RASEF: variants seen among roughly 807,000 people sequenced by gnomAD.
RASEF encodes ras and EF-hand domain-containing protein.
In RASEF, 68 loss-of-function variants were observed where a neutral mutation model predicts 90.1. That is an observed-to-expected ratio of 0.75 (90% CI 0.62 to 0.92). The LOEUF is 0.92. RASEF is among the 40% of genes least tolerant of loss of function. RASEF has a pLI of 0.00. For missense variants in RASEF, 949 were observed against 937.2 expected, an observed-to-expected ratio of 1.01 and a Z score of -0.16; for synonymous variants, 331 against 345.2, an observed-to-expected ratio of 0.96 and a Z score of 0.46.
At chr9:83,121,222 T>A in the RASEF span, among the ~76,000 whole-genome samples, 3 of 152,204 alleles carry the variant, frequency 2.0e-5, no homozygotes, top group South Asian at 6.2e-4. Context: ...TATATCAACA[T>A]ATGTAAATAT....
chr9:83,087,089 C>G, the RASEF span, among the ~76,000 whole-genome samples: 3 of 152,122 alleles, frequency 2.0e-5, no homozygotes, highest in Non-Finnish European at 4.4e-5. Context: ...TTCCTTGGGA[C>G]TTGAATACCC....
intron 2 of RASEF, among the ~76,000 whole-genome samples, chr9:83,022,763 T>TA (rs1829466728): frequency 6.6e-6 from 1 of 152,194 alleles, no homozygotes; most frequent in Admixed American, 6.5e-5. Flanking sequence ...ACCTAGGCTA[T>TA]ATGGAATAGC....
chr9:83,014,198 G>T lies in RASEF; in HGVS notation c.765+1607C>A, dbSNP rs146473949. On this transcript the variant is annotated intron_variant, in intron 4 of 16. Transcript: ENST00000376447. ...ATAACTTTTGAAAATTAGATATAAGGTTCAAATTGATATTCATTTTCTAAG... is the reference window on the plus strand; with the variant it reads ...ATAACTTTTGAAAATTAGATATAAGTTTCAAATTGATATTCATTTTCTAAG... Among the ~76,000 whole-genome samples the T allele has an allele frequency of 6.8e-3, 1,036 of 152,248 alleles. 16 individuals carry two copies. Among genetic ancestry groups the T allele is most frequent in the African/African-American group, 0.023 (970 of 41,540 alleles).
the RASEF span, among the ~76,000 whole-genome samples, chr9:83,087,869 G>A: frequency 6.6e-6 from 1 of 151,888 alleles, no homozygotes; most frequent in Non-Finnish European, 1.5e-5. Context: ...ACTGATTTGA[G>A]TTATTTAATA....
chr9:83,041,514 T>C (rs1174654597), intron 1 of RASEF, among the ~76,000 whole-genome samples: 1 of 152,192 alleles, frequency 6.6e-6, no homozygotes, highest in East Asian at 1.9e-4. Context: ...CTTAAACACA[T>C]TTCCCCTTTG....
the RASEF span, among the ~76,000 whole-genome samples, chr9:83,090,408 C>CT: frequency 0.032 from 4,663 of 144,952 alleles, 211 homozygotes; most frequent in African/African-American, 0.1. Context: ...ATGAGCCATA[C>CT]TTTTTTTTTT....
rs761541311 is a variant in RASEF, at chr9:83,009,775, G to A, written c.844-19C>T. On this transcript the variant is annotated intron_variant, in intron 5 of 16. Transcript: ENST00000376447. ...GGTTTTCCTGGATAAAATGAAAAGT[G>A]GGGGTCATTAGATTCAGATTTTCCT... 2.0e-6 allele frequency: 3 copies of A among 1,489,440 alleles called. No homozygotes were observed. Among genetic ancestry groups the A allele is most frequent in the Non-Finnish European group, 2.8e-6 (3 of 1,067,134 alleles). 92.3% of individuals were successfully genotyped at this position (1,489,440 alleles called of 1,614,324 possible).
chr9:83,066,485 G>A (rs1038721665), upstream of RASEF, among the ~76,000 whole-genome samples: 2 of 152,192 alleles, frequency 1.3e-5, no homozygotes, highest in African/African-American at 4.8e-5. Context: ...ACAGCAAAGA[G>A]AAAAGAAAGA....
At chr9:83,166,521 G>A in the RASEF span, among the ~76,000 whole-genome samples, 1 of 152,156 alleles carries the variant, frequency 6.6e-6, no homozygotes, top group East Asian at 1.9e-4. Context: ...CCAGGGACTA[G>A]CTGAGGACTC....
chr9:83,209,544 G>A, the RASEF span, among the ~76,000 whole-genome samples: 1 of 152,256 alleles, frequency 6.6e-6, no homozygotes, highest in Non-Finnish European at 1.5e-5. Flanking sequence ...CAGACCCCTG[G>A]GGTGGAGCGA....
the RASEF span, among the ~76,000 whole-genome samples, chr9:83,177,657 C>T: frequency 6.7e-6 from 1 of 150,118 alleles, no homozygotes; most frequent in African/African-American, 2.5e-5. Context: ...TTAGTTTTCT[C>T]TTGCTGATTT....
chr9:83,179,732 C>A, the RASEF span, among the ~76,000 whole-genome samples: 147 of 151,982 alleles, frequency 9.7e-4, no homozygotes, highest in Admixed American at 1.9e-3. Flanking sequence ...TTAAAAGTAC[C>A]CAGATATTTT....
the RASEF span, among the ~76,000 whole-genome samples, chr9:83,167,802 C>T: frequency 2.0e-5 from 3 of 152,228 alleles, no homozygotes; most frequent in African/African-American, 7.2e-5. Context: ...GGCTCTCTGA[C>T]AGCATAATGT....
intron 4 of RASEF, among the ~76,000 whole-genome samples, chr9:83,014,037 C>T (rs1192134343): frequency 6.6e-6 from 1 of 152,184 alleles, no homozygotes; most frequent in African/African-American, 2.4e-5. Flanking sequence ...TGCATCTCTT[C>T]TTGTAGACAT....
chr9:83,217,787 A>G, the RASEF span, among the ~76,000 whole-genome samples: 1 of 152,230 alleles, frequency 6.6e-6, no homozygotes, highest in Middle Eastern at 3.2e-3. Context: ...ATTCATAAAA[A>G]TAGAGTTGGG....
chr9:83,194,404 G>A, the RASEF span, among the ~76,000 whole-genome samples: 1 of 152,132 alleles, frequency 6.6e-6, no homozygotes, highest in African/African-American at 2.4e-5. Flanking sequence ...GTGTGGGAGG[G>A]AGAACACTAC....
At chr9:83,060,484 T>C (rs1221083083) in intron 1 of RASEF, among the ~76,000 whole-genome samples, 1 of 152,190 alleles carries the variant, frequency 6.6e-6, no homozygotes, top group Non-Finnish European at 1.5e-5. Flanking sequence ...ATACTATCCT[T>C]CTCTTTGTCC....
At chr9:83,031,281 A>G (rs570575678) in intron 1 of RASEF, among the ~76,000 whole-genome samples, 1 of 152,348 alleles carries the variant, frequency 6.6e-6, no homozygotes, top group East Asian at 1.9e-4. Flanking sequence ...AGTATGTAAT[A>G]AAACATTTAT....
chr9:83,069,094 T>C, the RASEF span, among the ~76,000 whole-genome samples: 2 of 152,252 alleles, frequency 1.3e-5, no homozygotes, highest in Non-Finnish European at 2.9e-5. Flanking sequence ...AGAAGGATCC[T>C]ACTTAAGTTT....
Sources: gnomAD v4.1 joint callset for allele counts (sites outside exome capture counted in the v4.1 genomes callset) on GRCh38, gnomAD v4.1.1 for gene constraint, MANE v1.5 for transcripts, NCBI Gene and HGNC (gene_info 2026-07-23, HGNC 2026-07-21) for gene names.